The following NREP variants were observed in gnomAD, a reference collection of about 807,000 sequenced individuals.
NREP encodes the protein neuronal regeneration related protein.
A neutral mutation model predicts 8.6 loss-of-function variants in NREP; 5 were observed. The ratio of observed to expected loss-of-function variants is 0.58; its 90% CI spans 0.30 to 1.22. The LOEUF is 1.22. Among genes scored for constraint, NREP ranks in the 50% most tolerant of loss-of-function variants. The probability of loss-of-function intolerance (pLI) is 0.07; values close to 1 mark genes in which losing one functional copy is unlikely to be tolerated. For synonymous variants in NREP, 27 were observed against 28.0 expected, an observed-to-expected ratio of 0.96 and a Z score of 0.11; for missense variants, 86 against 82.5, an observed-to-expected ratio of 1.04 and a Z score of -0.17.
intron 2 of NREP, among the ~76,000 whole-genome samples, chr5:111,966,471 A>G (rs2112662505): frequency 6.6e-6 from 1 of 152,276 alleles, no homozygotes; most frequent in East Asian, 1.9e-4. Context: ...GAAACTACTA[A>G]CAGAAGGGGA....
rs58877839 is a variant in NREP at position 111,964,855 on chromosome 5, CAAAAAAAAAAAAAAAAAAAAAAAAA to C, written c.135+10394_135+10418del. On this transcript the variant is annotated intron_variant, in intron 2 of 3. Coordinates refer to the NREP transcript ENST00000395634. The stretch of plus-strand genomic sequence containing the variant: ...AGTCTACTTAGAATGCTTTCAGCAG[CAAAAAAAAAAAAAAAAAAAAAAAAA>C]AAAAAAAAAAAAAAAGAAACCATGT... Among the ~76,000 whole-genome samples, 58 of 44,892 alleles carry C rather than the reference CAAAAAAAAAAAAAAAAAAAAAAAAA, an allele frequency of 1.3e-3. 3 individuals are homozygous for C. The highest frequency in any genetic ancestry group is 0.011 in the Admixed American group (30 of 2,806). The allele number at this position is 44,892 out of a possible 152,430, so 29.5% of individuals were successfully genotyped here.
intron 2 of NREP, among the ~76,000 whole-genome samples, chr5:111,776,629 A>T (rs1170748117): frequency 6.6e-6 from 1 of 152,212 alleles, no homozygotes; most frequent in Non-Finnish European, 1.5e-5. Context: ...ATAGACAACA[A>T]CAAAAAGAAT....
intron 2 of NREP, among the ~76,000 whole-genome samples, chr5:111,935,115 G>A (rs907832589): frequency 2.0e-5 from 3 of 152,064 alleles, no homozygotes; most frequent in Admixed American, 6.6e-5. Context: ...TTGAAAACTG[G>A]TAATTTCCCT....
chr5:111,899,138 A>T (rs1220432664), intron 2 of NREP, among the ~76,000 whole-genome samples: 2 of 152,200 alleles, frequency 1.3e-5, no homozygotes, highest in Non-Finnish European at 2.9e-5. Flanking sequence ...TCATAAAAAC[A>T]CACAAAAGTA....
At chr5:111,810,742 C>T (rs755507852) in intron 2 of NREP, among the ~76,000 whole-genome samples, 4 of 152,124 alleles carry the variant, frequency 2.6e-5, no homozygotes, top group Non-Finnish European at 5.9e-5. Flanking sequence ...GAGCATCTTG[C>T]TTTGCTAAAA....
At chr5:111,741,189 G>A (rs756838804) in intron 2 of NREP, among the ~76,000 whole-genome samples, 4 of 152,108 alleles carry the variant, frequency 2.6e-5, no homozygotes, top group South Asian at 2.1e-4. Context: ...TAGGAAAGCC[G>A]ACTAGGGCAG....
At chr5:111,786,188 A>G (rs372645136) in intron 2 of NREP, among the ~76,000 whole-genome samples, 11 of 152,176 alleles carry the variant, frequency 7.2e-5, no homozygotes, top group African/African-American at 2.4e-4. Context: ...ACAAGATCCA[A>G]TGGTTTTATA....
chr5:111,818,947 T>G (rs1279589675), intron 2 of NREP, among the ~76,000 whole-genome samples: 1 of 152,218 alleles, frequency 6.6e-6, no homozygotes, highest in Non-Finnish European at 1.5e-5. Context: ...CATTTATTAT[T>G]TGTAAGTAGA....
chr5:111,827,029 T>C (rs73789515), intron 2 of NREP, among the ~76,000 whole-genome samples: 4,093 of 152,290 alleles, frequency 0.027, 78 homozygotes, highest in African/African-American at 0.033. Flanking sequence ...AATTGGCAAA[T>C]AGATATTTTC....
chr5:111,773,778 T>C (rs1050956287), intron 2 of NREP, among the ~76,000 whole-genome samples: 1 of 152,182 alleles, frequency 6.6e-6, no homozygotes, highest in Admixed American at 6.5e-5. Context: ...TATTCTTTCT[T>C]ATTTTTTGAA....
At chr5:111,963,625 T>C (rs961428519) in intron 2 of NREP, among the ~76,000 whole-genome samples, 19 of 152,302 alleles carry the variant, frequency 1.2e-4, no homozygotes, top group Admixed American at 9.8e-4. Context: ...CTGTGATCAA[T>C]TTCACAAATT....
intron 2 of NREP, chr5:111,846,420 C>CTTTTTTTTTTGTTTTTTTTT (rs1753169945): frequency 2.3e-5 from 1 of 44,414 alleles, no homozygotes; most frequent in Non-Finnish European, 4.2e-5. Context: ...TTTTTGTTTG[C>CTTTTTTTTTTGTTTTTTTTT]TTTTTTTTTT....
intron 2 of NREP, among the ~76,000 whole-genome samples, chr5:111,860,075 CCTT>C (rs1197781358): frequency 6.6e-5 from 10 of 152,086 alleles, no homozygotes; most frequent in African/African-American, 2.4e-4. Context: ...GTAATGAAAT[CCTT>C]CTAGGACTTC....
chr5:111,914,168 G>A (rs948902009), intron 2 of NREP, among the ~76,000 whole-genome samples: 3 of 152,076 alleles, frequency 2.0e-5, no homozygotes, highest in Non-Finnish European at 4.4e-5. Flanking sequence ...TCTTTAGCTT[G>A]TAAAAAGTGA....
intron 2 of NREP, among the ~76,000 whole-genome samples, chr5:111,908,908 A>G (rs1302375166): frequency 2.6e-5 from 4 of 151,964 alleles, no homozygotes; most frequent in African/African-American, 9.7e-5. Context: ...TAACTTTTTA[A>G]TAATAGCCAT....
chr5:111,841,113 G>T (rs1266493913), intron 2 of NREP, among the ~76,000 whole-genome samples: 1 of 152,098 alleles, frequency 6.6e-6, no homozygotes, highest in Non-Finnish European at 1.5e-5. Context: ...AGTGAAACAA[G>T]GATAGGGAAG....
At chr5:111,765,533 T>G (rs534397209) in intron 2 of NREP, among the ~76,000 whole-genome samples, 6 of 152,240 alleles carry the variant, frequency 3.9e-5, no homozygotes, top group Non-Finnish European at 7.3e-5. Context: ...TCAGTATCCT[T>G]ACTTCACAGA....
At chr5:111,747,992 C>G (rs1013219663) in intron 2 of NREP, among the ~76,000 whole-genome samples, 1 of 152,158 alleles carries the variant, frequency 6.6e-6, no homozygotes. Context: ...CTGCCTCAGT[C>G]AGACTATTGA....
chr5:111,864,039 C>T lies in NREP; in HGVS notation c.135+111235G>A, dbSNP rs1419356952. Among the ~76,000 whole-genome samples the T allele has an allele frequency of 2.0e-5, 3 of 152,096 alleles. No homozygotes were observed. In the South Asian group the frequency reaches 6.2e-4, roughly 32 times the overall value. ...AAGATTCAAGAGAATGAGTCATAGACCACACTTCTTGAAGGAGAACTGTCA... is the reference window on the plus strand; with the variant it reads ...AAGATTCAAGAGAATGAGTCATAGATCACACTTCTTGAAGGAGAACTGTCA... On this transcript the variant is annotated intron_variant, in intron 2 of 3. Coordinates refer to the NREP transcript ENST00000395634.
Sources: allele counts gnomAD v4.1 joint callset (sites outside exome capture counted in the v4.1 genomes callset), GRCh38; gene constraint gnomAD v4.1.1; transcripts MANE v1.5; gene names NCBI Gene and HGNC (gene_info 2026-07-23, HGNC 2026-07-21).